MYO1E: variants seen among roughly 807,000 people sequenced by gnomAD.
MYO1E encodes the protein unconventional myosin-Ie.
MYO1E carries 68 observed loss-of-function variants against 151.1 expected under a neutral mutation model. That is an observed-to-expected ratio of 0.45 (90% confidence interval 0.37 to 0.55). The LOEUF is 0.55. Ranked by LOEUF, MYO1E falls within the 20% of genes least tolerant of loss-of-function variation. MYO1E has a pLI of 0.00. For missense variants in MYO1E, 1,363 were observed against 1,389.3 expected (o/e 0.98, Z 0.30); for synonymous variants, 601 against 501.7 (o/e 1.20, Z -2.64).
chr15:59,214,290 T>A lies in MYO1E; in HGVS notation c.1213A>T (p.Ile405Phe). ...FQKNGFEQFC[I>F]NFVNEKLQQI... is the part of the protein sequence containing the mutation. The stretch of plus-strand genomic sequence containing the variant: ...TGCAGTTTTTCATTAACAAAATTGA[T>A]ACAAAACTGTTCAAAGCCATTTTTC... Residue 405 changes from isoleucine to phenylalanine, a missense_variant, in exon 12 of 28, where the codon ATC becomes TTC. Physicochemically the swap from Ile to Phe is conservative, Grantham distance 21. Transcript: ENST00000288235. The A allele has an allele frequency of 3.1e-6, 5 of 1,611,940 alleles. No homozygotes were observed. The highest frequency in any genetic ancestry group is 2.2e-5 in the East Asian group (1 of 44,820).
chr15:59,371,843 C>T (rs1203577602), intron 1 of MYO1E, among the ~76,000 whole-genome samples: 2 of 151,556 alleles, frequency 1.3e-5, no homozygotes, highest in East Asian at 3.9e-4. Flanking sequence ...GGTTGCCGCC[C>T]GCGCCCGAGT....
intron 1 of MYO1E, among the ~76,000 whole-genome samples, chr15:59,304,148 A>G (rs1350101219): frequency 6.6e-6 from 1 of 151,948 alleles, no homozygotes; most frequent in Non-Finnish European, 1.5e-5. Context: ...ACGCCTAGCT[A>G]ATTTTTGTAT....
intron 1 of MYO1E, among the ~76,000 whole-genome samples, chr15:59,371,704 T>C (rs2080945903): frequency 6.6e-6 from 1 of 152,122 alleles, no homozygotes; most frequent in African/African-American, 2.4e-5. Context: ...AAGCGTCCCC[T>C]GGATCCCCGA....
chr15:59,298,160 C>T (rs933161818), intron 1 of MYO1E, among the ~76,000 whole-genome samples: 3 of 152,096 alleles, frequency 2.0e-5, no homozygotes, highest in Admixed American at 6.5e-5. Context: ...AGATACTTTG[C>T]GACTATGTAA....
In MYO1E at chr15:59,176,047, T is replaced by A. The variant is rs1015124432; in HGVS notation, c.2050-1807A>T. 5.7e-5 allele frequency among the ~76,000 whole-genome samples: 7 copies of A among 122,478 alleles called. No homozygotes were observed. In the East Asian group the frequency reaches 1.6e-3, roughly 27 times the overall value. The allele number at this position is 122,478 out of a possible 152,430, so 80.4% of individuals were successfully genotyped here. A position where few individuals can be genotyped will look rare whatever the true frequency, so the allele number is the denominator to read the frequency against. ...AAAACAAACCCTATGGTGTCTGATGTGGGTTTTGTTGTTGTTGTTGTTGTT... is the reference window on the plus strand; with the variant it reads ...AAAACAAACCCTATGGTGTCTGATGAGGGTTTTGTTGTTGTTGTTGTTGTT... On this transcript the variant is annotated intron_variant, in intron 19 of 27. Transcript: ENST00000288235.
chr15:59,302,724 T>C (rs2080490376), intron 1 of MYO1E, among the ~76,000 whole-genome samples: 1 of 152,190 alleles, frequency 6.6e-6, no homozygotes, highest in Non-Finnish European at 1.5e-5. Context: ...TCAATTTTAT[T>C]CCATTTACAA....
At chr15:59,270,078 G>A (rs987484196) in intron 2 of MYO1E, among the ~76,000 whole-genome samples, 1 of 152,162 alleles carries the variant, frequency 6.6e-6, no homozygotes, top group Admixed American at 6.5e-5. Flanking sequence ...GTAAGATTTT[G>A]TCTGTCAGCC....
At chr15:59,162,576 G>C (rs1244724093) in intron 23 of MYO1E, among the ~76,000 whole-genome samples, 4 of 151,276 alleles carry the variant, frequency 2.6e-5, no homozygotes, top group African/African-American at 9.7e-5. Context: ...AACCTGGGAG[G>C]CAGAGGTTGC....
rs749128052 is a variant in MYO1E, at chr15:59,172,041, C to G, written c.2336G>C (p.Gly779Ala). 5.6e-6 allele frequency: 9 copies of G among 1,613,918 alleles called. No homozygotes were observed. Among genetic ancestry groups the G allele is most frequent in the Admixed American group, 1.7e-5 (1 of 60,020 alleles). The change falls in exon 22 of 28, where the codon GGT (glycine) becomes GCT (alanine). Residue 779 changes from glycine to alanine, a missense_variant and splice_region_variant. Transcript: ENST00000288235. ...TVTKYDRRFK[G>A]VKRDLLLTPK... ...GGTAAGGAGCAGGTCTCGCTTTACA[C>G]CCTGTAAGGAGAGGAGCTTTAAGAA...
intron 13 of MYO1E, among the ~76,000 whole-genome samples, chr15:59,209,562 G>A (rs1280712406): frequency 1.3e-5 from 2 of 151,924 alleles, no homozygotes; most frequent in Non-Finnish European, 2.9e-5. Flanking sequence ...TGTAATCCCA[G>A]CTACTCAGGA....
At chr15:59,283,039 C>T (rs143925215) in intron 1 of MYO1E, among the ~76,000 whole-genome samples, 29 of 144,864 alleles carry the variant, frequency 2.0e-4, no homozygotes, top group African/African-American at 7.1e-4. Context: ...ATGCTCAGGG[C>T]ATCCATCCTC....
At chr15:59,205,668 G>A (rs1196218267) in intron 14 of MYO1E, among the ~76,000 whole-genome samples, 183 bp from the exon 15 acceptor site, 2 of 152,164 alleles carry the variant, frequency 1.3e-5, no homozygotes, top group Non-Finnish European at 2.9e-5. Context: ...ACTGTCACAG[G>A]AAGGCTGTGC....
Position 59,236,383 on chromosome 15 carries a change from C to T in MYO1E, c.420+202G>A, listed in dbSNP as rs1164738349. Reference sequence around the variant, plus strand: ...AAAAAAATATATACACACACACACACACACACACACACACACACACACACA... The same window carrying T: ...AAAAAAATATATACACACACACACATACACACACACACACACACACACACA... On this transcript the variant is annotated intron_variant, in intron 5 of 27. Transcript: ENST00000288235. Among the ~76,000 whole-genome samples, 508 of 121,054 alleles carry T rather than the reference C, an allele frequency of 4.2e-3. 11 individuals carry two copies. The highest frequency in any genetic ancestry group is 0.015 in the African/African-American group (475 of 31,478). 79.4% of individuals were successfully genotyped at this position (121,054 alleles called of 152,430 possible). A position where few individuals can be genotyped will look rare whatever the true frequency, so the allele number is the denominator to read the frequency against.
intron 1 of MYO1E, among the ~76,000 whole-genome samples, chr15:59,353,629 C>T (rs1272794281): frequency 4.0e-5 from 6 of 151,510 alleles, no homozygotes; most frequent in Non-Finnish European, 5.9e-5. Flanking sequence ...TGGTGGCGCA[C>T]GCCTGTAATC....
At chr15:59,311,541 C>T (rs1272053103) in intron 1 of MYO1E, among the ~76,000 whole-genome samples, 5 of 152,096 alleles carry the variant, frequency 3.3e-5, no homozygotes, top group Non-Finnish European at 4.4e-5. Flanking sequence ...CTGAAGCAGG[C>T]AGAAGGACCT....
intron 1 of MYO1E, among the ~76,000 whole-genome samples, chr15:59,308,478 C>T (rs1173126142): frequency 9.9e-5 from 15 of 151,906 alleles, no homozygotes; most frequent in African/African-American, 3.6e-4. Flanking sequence ...TCGAAACCAG[C>T]CTGGCCAACA....
At chr15:59,247,895 G>A (rs937743075) in intron 4 of MYO1E, among the ~76,000 whole-genome samples, 2 of 152,114 alleles carry the variant, frequency 1.3e-5, no homozygotes, top group African/African-American at 2.4e-5. Flanking sequence ...GCTGAGGCAG[G>A]CAGATCACTT....
At chr15:59,351,688 G>T (rs556728294) in intron 1 of MYO1E, among the ~76,000 whole-genome samples, 1 of 152,152 alleles carries the variant, frequency 6.6e-6, no homozygotes, top group Non-Finnish European at 1.5e-5. Context: ...TCCAAACTAG[G>T]GTGGCCACTG....
intron 12 of MYO1E, among the ~76,000 whole-genome samples, chr15:59,210,904 T>G (rs4775130): frequency 6.6e-6 from 1 of 151,950 alleles, no homozygotes; most frequent in East Asian, 1.9e-4. Context: ...CACAAAACTC[T>G]TAAAATTTAA....
Sources: gnomAD v4.1 joint callset for allele counts (sites outside exome capture counted in the v4.1 genomes callset) on GRCh38, gnomAD v4.1.1 for gene constraint, MANE v1.5 for transcripts, NCBI Gene and HGNC (gene_info 2026-07-23, HGNC 2026-07-21) for gene names.